ENTREP2: variants seen among roughly 807,000 people sequenced by gnomAD.
The protein encoded by ENTREP2 is endosomal transmembrane epsin interactor 2, also known as protein ENTREP2.
the ENTREP2 span, among the ~76,000 whole-genome samples, chr15:29,300,057 A>G: frequency 2.0e-5 from 3 of 149,922 alleles, no homozygotes; most frequent in African/African-American, 7.4e-5. Flanking sequence ...GGATAGATGA[A>G]TGGGTAGGTG....
At chr15:29,568,494 T>C in the ENTREP2 span, among the ~76,000 whole-genome samples, 2 of 152,070 alleles carry the variant, frequency 1.3e-5, no homozygotes, top group African/African-American at 2.4e-5. Flanking sequence ...GAGTTTGAGT[T>C]TGAATCCAGC....
the ENTREP2 span, chr15:29,381,729 G>A: frequency 1.1e-5 from 17 of 1,516,058 alleles, no homozygotes; most frequent in South Asian, 1.9e-4. Context: ...GCATCTGAAG[G>A]TGGAACCCTG....
chr15:29,648,381 C>G, the ENTREP2 span, among the ~76,000 whole-genome samples: 2 of 152,182 alleles, frequency 1.3e-5, no homozygotes, highest in African/African-American at 2.4e-5. Flanking sequence ...AAGCAACAGC[C>G]AGCACTGCTC....
the ENTREP2 span, among the ~76,000 whole-genome samples, chr15:29,669,706 G>A: frequency 1.3e-5 from 2 of 152,188 alleles, no homozygotes; most frequent in African/African-American, 2.4e-5. Context: ...TGCAGGGCCC[G>A]AAGGGAGGAC....
chr15:29,410,971 A>C, the ENTREP2 span, among the ~76,000 whole-genome samples: 1 of 152,078 alleles, frequency 6.6e-6, no homozygotes, highest in South Asian at 2.1e-4. Flanking sequence ...TTTTTAGTAG[A>C]GACGTGGTTT....
chr15:29,666,766 C>T, the ENTREP2 span, among the ~76,000 whole-genome samples: 1 of 152,168 alleles, frequency 6.6e-6, no homozygotes, highest in South Asian at 2.1e-4. Context: ...CTGTAGTTTC[C>T]CAGGGCTGCT....
the ENTREP2 span, among the ~76,000 whole-genome samples, chr15:29,584,353 T>C: frequency 5.9e-5 from 9 of 152,290 alleles, no homozygotes; most frequent in African/African-American, 1.9e-4. Context: ...TTCATCTTCA[T>C]TGCAGCATTA....
At chr15:29,552,810 C>A in the ENTREP2 span, among the ~76,000 whole-genome samples, 1 of 152,078 alleles carries the variant, frequency 6.6e-6, no homozygotes, top group Non-Finnish European at 1.5e-5. Context: ...TTTTAAAGTA[C>A]CTTTTTCCTA....
the ENTREP2 span, among the ~76,000 whole-genome samples, chr15:29,626,494 G>A: frequency 6.6e-6 from 1 of 152,288 alleles, no homozygotes; most frequent in South Asian, 2.1e-4. Context: ...CAGCCATGTG[G>A]AACTGTGAGT....
the ENTREP2 span, among the ~76,000 whole-genome samples, chr15:29,127,807 C>T: frequency 1.3e-5 from 2 of 152,168 alleles, no homozygotes; most frequent in Non-Finnish European, 2.9e-5. Flanking sequence ...AGCACCAGCC[C>T]CCTTCAGCCC....
chr15:29,586,919 T>A, the ENTREP2 span, among the ~76,000 whole-genome samples: 1 of 152,148 alleles, frequency 6.6e-6, no homozygotes, highest in Non-Finnish European at 1.5e-5. Flanking sequence ...GTAGTATTAG[T>A]ATTAGCATGG....
the ENTREP2 span, among the ~76,000 whole-genome samples, chr15:29,607,843 G>GATAGATAGATAGAT: frequency 6.6e-6 from 1 of 152,000 alleles, no homozygotes; most frequent in Non-Finnish European, 1.5e-5. Flanking sequence ...CAGACAGACA[G>GATAGATAGATAGAT]ATAGATAGAT....
chr15:29,345,756 C>T, the ENTREP2 span, among the ~76,000 whole-genome samples: 1 of 152,002 alleles, frequency 6.6e-6, no homozygotes, highest in Non-Finnish European at 1.5e-5. Context: ...AAAACAACCC[C>T]AGCGGGGAGA....
At chr15:29,217,959 C>G in the ENTREP2 span, among the ~76,000 whole-genome samples, 3 of 152,100 alleles carry the variant, frequency 2.0e-5, no homozygotes, top group Non-Finnish European at 4.4e-5. Context: ...GTGGTAATCT[C>G]CCTCTTTGCC....
chr15:29,656,914 T>C, the ENTREP2 span, among the ~76,000 whole-genome samples: 102 of 152,248 alleles, frequency 6.7e-4, 1 homozygote, highest in African/African-American at 2.3e-3. Context: ...TAAAGCAGCT[T>C]TTTATGACCA....
At chr15:29,267,294 T>C in the ENTREP2 span, 2 of 152,348 alleles carry the variant, frequency 1.3e-5, no homozygotes, top group African/African-American at 4.8e-5. Flanking sequence ...AATTAACTTA[T>C]TTGCCCACTG....
the ENTREP2 span, among the ~76,000 whole-genome samples, chr15:29,301,055 A>G: frequency 1.3e-5 from 2 of 151,966 alleles, no homozygotes; most frequent in Non-Finnish European, 2.9e-5. Flanking sequence ...ACAGGTGGGA[A>G]GGATGCCTTA....
the ENTREP2 span, among the ~76,000 whole-genome samples, chr15:29,337,780 T>C: frequency 2.6e-5 from 4 of 152,234 alleles, no homozygotes; most frequent in African/African-American, 9.6e-5. Context: ...CCATGAGGTG[T>C]CATCCATGTT....
the ENTREP2 span, among the ~76,000 whole-genome samples, chr15:29,449,581 A>G: frequency 1.3e-3 from 199 of 152,380 alleles, no homozygotes; most frequent in Non-Finnish European, 1.9e-3. Context: ...TAGTCACACT[A>G]AAGAACCACT....
Sources: gnomAD v4.1 joint callset for allele counts (sites outside exome capture counted in the v4.1 genomes callset) on GRCh38, gnomAD v4.1.1 for gene constraint, MANE v1.5 for transcripts, NCBI Gene and HGNC (gene_info 2026-07-23, HGNC 2026-07-21) for gene names.